HDAC4: variants seen among roughly 807,000 people sequenced by gnomAD.
The protein encoded by HDAC4 is histone deacetylase 4, also known as histone deacetylase A.
In HDAC4, 16 loss-of-function variants were observed where a neutral mutation model predicts 135.1. That is an observed-to-expected ratio of 0.12 (90% CI 0.08 to 0.18). The LOEUF (loss-of-function observed/expected upper bound fraction) is 0.18. Among genes scored for constraint, HDAC4 ranks in the 10% least tolerant of loss-of-function variants. The probability of loss-of-function intolerance (pLI) is 1.00; values close to 1 mark genes in which losing one functional copy is unlikely to be tolerated. For missense variants in HDAC4, 1,143 were observed against 1,511.8 expected (o/e 0.76, Z 4.05); for synonymous variants, 685 against 653.4 (o/e 1.05, Z -0.74).
intron 2 of HDAC4, among the ~76,000 whole-genome samples, chr2:239,317,692 A>G (rs1014946158): frequency 2.6e-5 from 4 of 152,228 alleles, no homozygotes; most frequent in African/African-American, 9.6e-5. Context: ...GGAGGAAAGG[A>G]AAGCTCTTTA....
At chr2:239,090,724 T>A (rs2036435743) in intron 17 of HDAC4, among the ~76,000 whole-genome samples, 1 of 152,030 alleles carries the variant, frequency 6.6e-6, no homozygotes, top group Non-Finnish European at 1.5e-5. Context: ...GCATTCTGGA[T>A]TTCAGATTTT....
At chr2:239,074,676 C>T (rs1281938192) in intron 22 of HDAC4, among the ~76,000 whole-genome samples, 2 of 152,210 alleles carry the variant, frequency 1.3e-5, no homozygotes, top group East Asian at 3.8e-4. Context: ...AAGGTCAGAA[C>T]GTGAGGTGCA....
intron 5 of HDAC4, among the ~76,000 whole-genome samples, chr2:239,168,301 G>A (rs1265422217): frequency 6.6e-6 from 1 of 152,176 alleles, no homozygotes; most frequent in African/African-American, 2.4e-5. Context: ...CTCGGGCCGA[G>A]TCCAGCCTGC....
chr2:239,175,725 T>G (rs1312765662), intron 5 of HDAC4, among the ~76,000 whole-genome samples: 3 of 152,180 alleles, frequency 2.0e-5, no homozygotes, highest in African/African-American at 7.2e-5. Flanking sequence ...AAAAGTACTT[T>G]GAAAAATGCA....
rs552905359 is a variant in HDAC4, at chr2:239,114,600, G to A, written c.1791+453C>T. Among the ~76,000 whole-genome samples the A allele has an allele frequency of 1.5e-4, 23 of 152,336 alleles. No individual in the cohort carries two copies. The South Asian group carries it at 1.9e-3, about 12-fold the overall frequency. On this transcript the variant is annotated intron_variant, in intron 13 of 26. Transcript: ENST00000543185. Reference sequence around the variant, plus strand: ...GGCTCTGGGTGCCACAATCGCACCCGTCTGTCTGGATCTGCAGGGCTGCTC... The same window carrying A: ...GGCTCTGGGTGCCACAATCGCACCCATCTGTCTGGATCTGCAGGGCTGCTC...
At chr2:239,378,898 G>A (rs1418389177) in intron 1 of HDAC4, among the ~76,000 whole-genome samples, 1 of 152,210 alleles carries the variant, frequency 6.6e-6, no homozygotes, top group Non-Finnish European at 1.5e-5. Flanking sequence ...CCTCCTCGAA[G>A]ACTGCCAAGC....
chr2:239,278,668 T>C (rs2050532499), intron 2 of HDAC4, among the ~76,000 whole-genome samples: 1 of 152,216 alleles, frequency 6.6e-6, no homozygotes, highest in Admixed American at 6.5e-5. Flanking sequence ...GGAGACTGTC[T>C]CAATAAAAAC....
At chr2:239,067,016 CT>C in intron 23 of HDAC4, 161 bp from the exon 24 acceptor site, 1 of 800,976 alleles carries the variant, frequency 1.2e-6, no homozygotes, top group Admixed American at 2.3e-5. Flanking sequence ...AGAGTTTCGG[CT>C]TTGGATTTCC....
At chr2:239,290,477 A>G (rs535650742) in intron 2 of HDAC4, among the ~76,000 whole-genome samples, 15 of 152,306 alleles carry the variant, frequency 9.8e-5, no homozygotes, top group Admixed American at 2.0e-4. Flanking sequence ...AGACCCTAGG[A>G]GTCTTCCATA....
chr2:239,231,991 C>T (rs1209060342), intron 3 of HDAC4, among the ~76,000 whole-genome samples: 2 of 125,690 alleles, frequency 1.6e-5, no homozygotes, highest in Non-Finnish European at 3.6e-5. Context: ...GCGTCCTCCC[C>T]GAAGCGCCCC....
At chr2:239,233,446 A>G (rs2047712625) in intron 3 of HDAC4, among the ~76,000 whole-genome samples, 1 of 150,662 alleles carries the variant, frequency 6.6e-6, no homozygotes, top group Admixed American at 6.6e-5. Context: ...TAATGCAAAT[A>G]TTCCAAAATC....
Position 239,164,006 on chromosome 2 carries a change from AGGGAAG to A in HDAC4, c.491-89_491-84del, listed in dbSNP as rs1575253337. 3.2e-6 allele frequency: 5 copies of A among 1,542,168 alleles called. No homozygotes were observed. In the East Asian group the frequency reaches 1.1e-4, roughly 35 times the overall value. Reference sequence around the variant, plus strand: ...TGCAGGGCAGCGGGGCCACAGAGGGAGGGAAGGGCTGGGGACGGCTATGCACCTTCA... The same window carrying A: ...TGCAGGGCAGCGGGGCCACAGAGGGAGGCTGGGGACGGCTATGCACCTTCA... On this transcript the variant is annotated intron_variant, in intron 5 of 26. Transcript: ENST00000543185.
At chr2:239,078,877 C>T (rs1451431308) in intron 22 of HDAC4, among the ~76,000 whole-genome samples, 2 of 152,236 alleles carry the variant, frequency 1.3e-5, no homozygotes, top group South Asian at 2.1e-4. Context: ...GGCCTGGGAC[C>T]ACTGACCTGA....
At chr2:239,333,906 A>G (rs931161418) in intron 2 of HDAC4, among the ~76,000 whole-genome samples, 6 of 152,244 alleles carry the variant, frequency 3.9e-5, no homozygotes, top group African/African-American at 1.4e-4. Context: ...AGAATAAGAC[A>G]TAGATGCCTA....
rs560368561 is a variant in HDAC4, at chr2:239,350,607, G to A, written c.22+2071C>T. Among the ~76,000 whole-genome samples the A allele has an allele frequency of 5.2e-4, 79 of 152,176 alleles. 1 individual carries two copies. Among genetic ancestry groups the A allele is most frequent in the African/African-American group, 1.9e-3 (77 of 41,530 alleles). ...CAACCTCTGCCTCCCAGGTTCAAGC[G>A]ATTATCCTGCCTGAGCCTCCTGGGT... On this transcript the variant is annotated intron_variant, in intron 2 of 26. Coordinates refer to ENST00000543185, the MANE Select transcript of HDAC4 (RefSeq NM_001378414.1).
chr2:239,193,043 A>G (rs1467286141), intron 3 of HDAC4, among the ~76,000 whole-genome samples: 1 of 152,244 alleles, frequency 6.6e-6, no homozygotes, highest in Non-Finnish European at 1.5e-5. Context: ...AAATAAGCAC[A>G]GGGAATAAGT....
At chr2:239,128,871 G>A (rs373674103) in intron 11 of HDAC4, among the ~76,000 whole-genome samples, 1 of 152,140 alleles carries the variant, frequency 6.6e-6, no homozygotes. Flanking sequence ...TGTGACACAC[G>A]GTAAGGAACA....
chr2:239,127,636 T>C lies in HDAC4; in HGVS notation c.1295-942A>G, dbSNP rs575031432. Among the ~76,000 whole-genome samples the C allele has an allele frequency of 1.3e-3, 192 of 152,338 alleles. 1 individual carries two copies. The highest frequency in any genetic ancestry group is 4.3e-3 in the African/African-American group (179 of 41,582). The stretch of plus-strand genomic sequence containing the variant: ...AATGACCCTGACCCGCTCAAGGGCA[T>C]CTGACCGGGTGAAATGACAAAGGAA... On this transcript the variant is annotated intron_variant, in intron 11 of 26. Coordinates refer to ENST00000543185, the MANE Select transcript of HDAC4 (RefSeq NM_001378414.1).
chr2:239,227,453 C>A (rs1356383719), intron 3 of HDAC4, among the ~76,000 whole-genome samples: 1 of 152,160 alleles, frequency 6.6e-6, no homozygotes, highest in Non-Finnish European at 1.5e-5. Context: ...CAGCCCCCAG[C>A]GGCCAGCACC....
Sources: allele counts gnomAD v4.1 joint callset (sites outside exome capture counted in the v4.1 genomes callset), GRCh38; gene constraint gnomAD v4.1.1; transcripts MANE v1.5; gene names NCBI Gene and HGNC (gene_info 2026-07-23, HGNC 2026-07-21).